Variants in TTC6 observed in about 807,000 individuals in gnomAD.
TTC6 encodes tetratricopeptide repeat protein 6.
Under a neutral mutation model 210.4 loss-of-function variants are expected in TTC6, and 172 were observed. The ratio of observed to expected loss-of-function variants is 0.82; its 90% confidence interval spans 0.72 to 0.93. The LOEUF is 0.93. Among genes scored for constraint, TTC6 ranks in the 40% least tolerant of loss-of-function variants. The pLI is 0.00. For missense variants in TTC6, 2,414 were observed against 2,318.1 expected, an observed-to-expected ratio of 1.04 and a Z score of -0.85; for synonymous variants, 804 against 819.6, an observed-to-expected ratio of 0.98 and a Z score of 0.32.
intron 5 of TTC6, among the ~76,000 whole-genome samples, chr14:37,712,841 C>T (rs1308682709): frequency 6.6e-6 from 1 of 152,132 alleles, no homozygotes; most frequent in Non-Finnish European, 1.5e-5. Context: ...GGTGGGGACA[C>T]AGCCAAACTG....
chr14:37,786,282 A>G (rs912557890), intron 14 of TTC6, among the ~76,000 whole-genome samples: 3 of 152,146 alleles, frequency 2.0e-5, no homozygotes, highest in Non-Finnish European at 4.4e-5. Context: ...ACCCAGTTCG[A>G]GTTTCCCAGC....
intron 6 of TTC6, among the ~76,000 whole-genome samples, chr14:37,718,654 G>A (rs898205951): frequency 6.6e-6 from 1 of 152,182 alleles, no homozygotes; most frequent in South Asian, 2.1e-4. Flanking sequence ...TCAGCCGGGT[G>A]CAGTGGCTCA....
chr14:37,781,090 C>T (rs914791761), intron 14 of TTC6, among the ~76,000 whole-genome samples: 6 of 152,158 alleles, frequency 3.9e-5, no homozygotes, highest in Non-Finnish European at 2.9e-5. Flanking sequence ...CATAAACATA[C>T]GTGTGCATGT....
At chr14:37,682,925 C>A (rs1399961427) in exon 3 of TTC6, 1 of 1,535,424 alleles carries the variant, frequency 6.5e-7, no homozygotes. Flanking sequence ...ATGGACAGCC[C>A]ACAAGTGATT....
exon 23 of TTC6, chr14:37,807,334 A>C (rs2096120426): frequency 6.5e-7 from 1 of 1,528,898 alleles, no homozygotes; most frequent in African/African-American, 1.4e-5. Flanking sequence ...ATTTAAGCCG[A>C]GTAGCATTCT....
chr14:37,625,334 G>A (rs1466587202), intron 1 of TTC6, among the ~76,000 whole-genome samples: 16 of 151,624 alleles, frequency 1.1e-4, no homozygotes, highest in Admixed American at 7.9e-4. Flanking sequence ...GATCACCTGA[G>A]GTCAGGAGTT....
intron 14 of TTC6, among the ~76,000 whole-genome samples, chr14:37,785,055 T>G (rs1010563293): frequency 4.6e-5 from 7 of 152,314 alleles, no homozygotes; most frequent in African/African-American, 1.7e-4. Flanking sequence ...GCACTTAAGA[T>G]TTTTTCCTTC....
intron 1 of TTC6, among the ~76,000 whole-genome samples, chr14:37,656,824 C>T (rs2095724442): frequency 1.3e-5 from 2 of 152,090 alleles, no homozygotes; most frequent in African/African-American, 4.8e-5. Context: ...CGAGAAGTAC[C>T]TTCTTGAAAT....
intron 3 of TTC6, among the ~76,000 whole-genome samples, chr14:37,685,063 A>T (rs1037518916): frequency 6.6e-6 from 1 of 152,208 alleles, no homozygotes; most frequent in African/African-American, 2.4e-5. Flanking sequence ...TGTCTAAATC[A>T]TGACGAACAA....
intron 10 of TTC6, among the ~76,000 whole-genome samples, chr14:37,744,506 T>A (rs2138986182): frequency 2.0e-5 from 3 of 152,284 alleles, no homozygotes; most frequent in Admixed American, 2.0e-4. Flanking sequence ...GGCCTTGAGT[T>A]GGAGACATGC....
chr14:37,801,970 A>G (rs1485099613), intron 20 of TTC6: 11 of 152,264 alleles, frequency 7.2e-5, no homozygotes, highest in Non-Finnish European at 1.5e-5. Context: ...CACTATTCAC[A>G]ATAGCAAAGA....
At chr14:37,616,594 G>A (rs573304057) in intron 2 of TTC6, among the ~76,000 whole-genome samples, 2 of 152,130 alleles carry the variant, frequency 1.3e-5, no homozygotes, top group South Asian at 4.1e-4. Flanking sequence ...CTACTCAGGA[G>A]GCTGAGGCAG....
intron 12 of TTC6, among the ~76,000 whole-genome samples, chr14:37,750,598 G>A (rs886094927): frequency 6.6e-6 from 1 of 152,062 alleles, no homozygotes; most frequent in Non-Finnish European, 1.5e-5. Flanking sequence ...AAAATTAAAT[G>A]AAATGGGCCC....
intron 5 of TTC6, among the ~76,000 whole-genome samples, chr14:37,704,522 G>A (rs1233518574): frequency 6.6e-6 from 1 of 151,830 alleles, no homozygotes; most frequent in Non-Finnish European, 1.5e-5. Context: ...ATTTTTAGAT[G>A]TCTCTTGGTT....
rs772614384 is a variant in TTC6, at chr14:37,842,137, A to AT, written c.5525-10dup. On this transcript the variant is annotated splice_polypyrimidine_tract_variant and intron_variant, in intron 30 of 30. Coordinates refer to ENST00000553443, the Ensembl canonical transcript of TTC6. ...TGAGTGCCAACTTAAATATATCTTG[A>AT]TTTTTTTTCTTTTGCAGCCCTGTCT... 39 of 1,492,804 alleles carry AT rather than the reference A, an allele frequency of 2.6e-5. No individual in the cohort carries two copies. Among genetic ancestry groups the AT allele is most frequent in the South Asian group, 9.9e-5 (7 of 70,452 alleles). The allele number at this position is 1,492,804 out of a possible 1,614,324, so 92.5% of individuals were successfully genotyped here. A position where few individuals can be genotyped will look rare whatever the true frequency, so the allele number is the denominator to read the frequency against.
At chr14:37,748,632 G>T (rs577672777) in intron 10 of TTC6, among the ~76,000 whole-genome samples, 32 of 151,886 alleles carry the variant, frequency 2.1e-4, no homozygotes, top group Non-Finnish European at 4.0e-4. Context: ...ATTCTCCATT[G>T]TAATTCCTCT....
chr14:37,648,576 G>T (rs1477585819), intron 1 of TTC6, among the ~76,000 whole-genome samples: 6 of 151,996 alleles, frequency 3.9e-5, no homozygotes, highest in Non-Finnish European at 1.5e-5. Flanking sequence ...TCATATGTTG[G>T]ATGTCTGATT....
At chr14:37,819,098 A>G (rs1253586772) in intron 26 of TTC6, among the ~76,000 whole-genome samples, 2 of 152,230 alleles carry the variant, frequency 1.3e-5, no homozygotes, top group African/African-American at 4.8e-5. Flanking sequence ...ACCAATTTTC[A>G]TAACCCAACT....
chr14:37,793,431 A>C (rs1389267465), intron 17 of TTC6, among the ~76,000 whole-genome samples: 1 of 152,246 alleles, frequency 6.6e-6, no homozygotes. Flanking sequence ...CTCACACTGT[A>C]TGTCCACAGA....
Sources: gnomAD v4.1 joint callset for allele counts (sites outside exome capture counted in the v4.1 genomes callset) on GRCh38, gnomAD v4.1.1 for gene constraint, MANE v1.5 for transcripts, NCBI Gene and HGNC (gene_info 2026-07-23, HGNC 2026-07-21) for gene names.